Variants in AFF3 observed in about 807,000 individuals in gnomAD.
AFF3 encodes the protein AF4/FMR2 family member 3.
A neutral mutation model predicts 129.7 loss-of-function variants in AFF3; 32 were observed. The ratio of observed to expected loss-of-function variants is 0.25; its 90% CI spans 0.19 to 0.33. The LOEUF is 0.33. AFF3 is among the 10% of genes least tolerant of loss of function. AFF3 has a pLI of 1.00. For synonymous variants in AFF3, 644 were observed against 635.4 expected (o/e 1.01, Z -0.20); for missense variants, 1,373 against 1,592.0 (o/e 0.86, Z 2.34).
chr2:99,752,630 GA>G (rs1160619074), intron 8 of AFF3, among the ~76,000 whole-genome samples: 2 of 152,156 alleles, frequency 1.3e-5, no homozygotes, highest in African/African-American at 4.8e-5. Context: ...ACATGAAGGG[GA>G]CTCGGACTTG....
chr2:99,911,470 C>T (rs1014666174), intron 7 of AFF3, among the ~76,000 whole-genome samples: 2 of 151,910 alleles, frequency 1.3e-5, no homozygotes, highest in African/African-American at 2.4e-5. Context: ...TGGCTGCTGT[C>T]GCAGGTTCTG....
At position 99,594,187 on chromosome 2, in the gene AFF3, C is replaced by T. The variant is rs146863005; in HGVS notation, c.1474G>A (p.Glu492Lys). The T allele has an allele frequency of 2.5e-6, 4 of 1,614,040 alleles. No homozygotes were observed. In the African/African-American group the frequency reaches 5.3e-5, roughly 22 times the overall value. The change falls in exon 15 of 25, where the codon GAG becomes AAG. Residue 492 changes from glutamate (E) to lysine (K), a missense_variant. Physicochemically the swap from Glu to Lys is moderately conservative, Grantham distance 56. This residue lies in a region of AFF3 where 413 missense variants were observed against 424.4 expected (regional missense o/e 0.97). Coordinates refer to ENST00000672756, the MANE Select transcript of AFF3 (RefSeq NM_001386135.1). ...ACCGGGTTGTAGTACTGATTGCTCT[C>T]TGACCCGTGGCTTTCATTTTGGATC... Reference protein sequence around the residue: ...ILIQNESHGSESNQYYNPVKE... With the variant: ...ILIQNESHGSKSNQYYNPVKE...
At chr2:99,634,039 C>T (rs772783604) in intron 13 of AFF3, among the ~76,000 whole-genome samples, 10 of 151,732 alleles carry the variant, frequency 6.6e-5, no homozygotes, top group African/African-American at 2.4e-4. Context: ...CTCAACCTCC[C>T]GAGTAGCTGG....
In AFF3 at chr2:100,007,178, G is replaced by A. The variant is rs770207976; in HGVS notation, c.457C>T (p.His153Tyr). The change falls in exon 6 of 25, where the codon CAC becomes TAC. Residue 153 changes from histidine (H) to tyrosine (Y), a missense_variant. Physicochemically the swap from His to Tyr is moderately conservative, Grantham distance 83. This residue lies in a region of AFF3 where 255 missense variants were observed against 256.0 expected (regional missense o/e 1.00). Transcript: ENST00000672756. ...RGTMGWQKAGHPPSDGQQRAT... is the reference protein window; with the variant it reads ...RGTMGWQKAGYPPSDGQQRAT... ...CTCTGTTGGCCGTCAGAGGGTGGGT[G>A]CCCAGCCTTCTGCCAGCCCATAGTG... The A allele has an allele frequency of 2.5e-6, 4 of 1,614,200 alleles. No homozygotes were observed. The highest frequency in any genetic ancestry group is 3.4e-6 in the Non-Finnish European group (4 of 1,180,032).
intron 19 of AFF3, among the ~76,000 whole-genome samples, chr2:99,567,495 T>C (rs555151580): frequency 1.3e-5 from 2 of 152,194 alleles, no homozygotes; most frequent in South Asian, 4.1e-4. Context: ...AAATGAGGCA[T>C]CCAGTGCAAA....
intron 7 of AFF3, among the ~76,000 whole-genome samples, chr2:99,863,799 A>T (rs1210018623): frequency 6.6e-6 from 1 of 152,240 alleles, no homozygotes; most frequent in African/African-American, 2.4e-5. Context: ...AGATGAAAGA[A>T]CATGACAGGT....
chr2:99,839,564 G>C (rs1194050390), intron 7 of AFF3, among the ~76,000 whole-genome samples: 1 of 151,694 alleles, frequency 6.6e-6, no homozygotes, highest in Non-Finnish European at 1.5e-5. Flanking sequence ...TAGTGGATAA[G>C]AAATGATGTC....
chr2:100,015,492 G>GTT (rs1240841300), intron 4 of AFF3, among the ~76,000 whole-genome samples: 12 of 152,236 alleles, frequency 7.9e-5, no homozygotes, highest in African/African-American at 2.9e-4. Flanking sequence ...GAGCAGCAGC[G>GTT]TAAGCACTGT....
intron 7 of AFF3, among the ~76,000 whole-genome samples, chr2:99,905,138 G>A (rs998249809): frequency 6.6e-6 from 1 of 152,184 alleles, no homozygotes; most frequent in African/African-American, 2.4e-5. Flanking sequence ...ACCCATGGCA[G>A]CATCAAGGGT....
At chr2:99,793,575 A>G (rs1685356613) in intron 8 of AFF3, among the ~76,000 whole-genome samples, 1 of 152,230 alleles carries the variant, frequency 6.6e-6, no homozygotes, top group South Asian at 2.1e-4. Flanking sequence ...AGTTGTTAAC[A>G]GCAGCCCTTT....
chr2:100,103,731 G>C (rs1690953164), intron 4 of AFF3, among the ~76,000 whole-genome samples: 1 of 152,018 alleles, frequency 6.6e-6, no homozygotes, highest in African/African-American at 2.4e-5. Context: ...GCGCCCGGGT[G>C]GGGTGGGGAG....
At chr2:99,783,572 C>G (rs1055609466) in intron 8 of AFF3, among the ~76,000 whole-genome samples, 2 of 152,222 alleles carry the variant, frequency 1.3e-5, no homozygotes, top group Non-Finnish European at 2.9e-5. Flanking sequence ...AAGGACTAAG[C>G]CATGCTGGCC....
chr2:99,955,998 T>C (rs535708076), intron 7 of AFF3, among the ~76,000 whole-genome samples: 27 of 152,278 alleles, frequency 1.8e-4, no homozygotes, highest in Admixed American at 1.2e-3. Context: ...AACATGACTT[T>C]AGTAGGTAAA....
intron 1 of AFF3, among the ~76,000 whole-genome samples, chr2:100,141,086 T>C (rs1692850738): frequency 6.6e-6 from 1 of 152,232 alleles, no homozygotes; most frequent in Non-Finnish European, 1.5e-5. Context: ...TTAGCTTATT[T>C]AATTCTTAAG....
intron 18 of AFF3, among the ~76,000 whole-genome samples, chr2:99,574,692 G>T (rs1676822174): frequency 1.3e-5 from 2 of 152,194 alleles, no homozygotes; most frequent in South Asian, 4.1e-4. Context: ...ACAAAGAGAT[G>T]AGTTTACTTT....
intron 9 of AFF3, among the ~76,000 whole-genome samples, chr2:99,748,321 T>G (rs1681341116): frequency 2.0e-5 from 3 of 152,182 alleles, no homozygotes; most frequent in African/African-American, 7.2e-5. Flanking sequence ...CTTCTGTAGG[T>G]AGGTGCCTGG....
rs746362566 is a variant in AFF3 at position 99,558,830 on chromosome 2, A to G, written c.3285+45T>C. On this transcript the variant is annotated intron_variant, in intron 22 of 24. Transcript: ENST00000672756. The stretch of plus-strand genomic sequence containing the variant: ...GGTGCTTCACAAATTTGACAGGGAG[A>G]CAAGTGAAATTAAGGAACAATTCTG... The G allele has an allele frequency of 2.5e-6, 4 of 1,577,992 alleles. No individual in the cohort carries two copies. In the Admixed American group the frequency reaches 5.0e-5, roughly 20 times the overall value.
In AFF3 at chr2:99,560,358, C is replaced by A. The variant is rs1201291288; in HGVS notation, c.3191+7G>T. On this transcript the variant is annotated splice_region_variant and intron_variant, in intron 21 of 24. Coordinates refer to ENST00000672756, the MANE Select transcript of AFF3 (RefSeq NM_001386135.1). The stretch of plus-strand genomic sequence containing the variant: ...GGCTGCTATTCTAAGCGGAGATGGG[C>A]ACTCACCATAATGCAGCCAGTTGTT... 4 of 1,613,938 alleles carry A rather than the reference C, an allele frequency of 2.5e-6. No individual in the cohort carries two copies. The East Asian group carries it at 8.9e-5, about 36-fold the overall frequency.
intron 8 of AFF3, among the ~76,000 whole-genome samples, chr2:99,797,054 GTCTGGGTC>G (rs1685602460): frequency 1.3e-5 from 2 of 152,108 alleles, no homozygotes; most frequent in Non-Finnish European, 2.9e-5. Context: ...GCAAAACTCT[GTCTGGGTC>G]CAACCAAAGA....
Sources: gnomAD v4.1 joint callset for allele counts (sites outside exome capture counted in the v4.1 genomes callset) on GRCh38, gnomAD v4.1.1 for gene constraint, gnomAD v4.1.1 regional missense constraint, MANE v1.5 for transcripts, NCBI Gene and HGNC (gene_info 2026-07-23, HGNC 2026-07-21) for gene names.